ARMC9: variants seen among roughly 807,000 people sequenced by gnomAD.
ARMC9 encodes lisH domain-containing protein ARMC9.
A neutral mutation model predicts 107.0 loss-of-function variants in ARMC9; 94 were observed. That is an observed-to-expected ratio of 0.88 (90% CI 0.74 to 1.04). The LOEUF is 1.04. ARMC9 is among the 50% of genes least tolerant of loss of function. The probability of loss-of-function intolerance (pLI) is 0.00; values close to 1 mark genes in which losing one functional copy is unlikely to be tolerated. For missense variants in ARMC9, 942 were observed against 1,030.1 expected, an observed-to-expected ratio of 0.91 and a Z score of 1.17; for synonymous variants, 380 against 396.9, an observed-to-expected ratio of 0.96 and a Z score of 0.51.
intron 9 of ARMC9, among the ~76,000 whole-genome samples, chr2:231,245,120 C>T (rs147571190): frequency 3.3e-5 from 5 of 152,334 alleles, no homozygotes; most frequent in Admixed American, 2.6e-4. Context: ...TTCTTTGAGG[C>T]GAGAGCTGTC....
At chr2:231,205,980 T>A (rs1251318611) in intron 1 of ARMC9, among the ~76,000 whole-genome samples, 1 of 152,186 alleles carries the variant, frequency 6.6e-6, no homozygotes, top group South Asian at 2.1e-4. Flanking sequence ...ACCTGGGTAA[T>A]CCAGGATCAT....
Position 231,231,969 on chromosome 2 carries a change from G to A in ARMC9, c.623-3255G>A, listed in dbSNP as rs149773892. On this transcript the variant is annotated intron_variant, in intron 7 of 24. Transcript: ENST00000611582. Reference sequence around the variant, plus strand: ...CTCCCAAAATGCTGGGATTACAGGCGTGAGCCACTGTTCCCGGCTGAAAAA... The same window carrying A: ...CTCCCAAAATGCTGGGATTACAGGCATGAGCCACTGTTCCCGGCTGAAAAA... 2.0e-3 allele frequency among the ~76,000 whole-genome samples: 297 copies of A among 151,918 alleles called. 2 individuals carry two copies. Among genetic ancestry groups the A allele is most frequent in the African/African-American group, 6.5e-3 (268 of 41,416 alleles).
rs1318030054 is a variant in ARMC9 at position 231,339,773 on chromosome 2, A to G, written c.1879-5202A>G. On this transcript the variant is annotated intron_variant, in intron 20 of 24. Coordinates refer to ENST00000611582, the MANE Select transcript of ARMC9 (RefSeq NM_001352754.2). Reference sequence around the variant, plus strand: ...ACGGTGAAACCGTATCTCTACTTAAAATACAAAAATTATTCAGGCGTGGTA... The same window carrying G: ...ACGGTGAAACCGTATCTCTACTTAAGATACAAAAATTATTCAGGCGTGGTA... Among the ~76,000 whole-genome samples the G allele has an allele frequency of 3.9e-5, 6 of 152,360 alleles. No homozygotes were observed. In the East Asian group the frequency reaches 1.2e-3, roughly 29 times the overall value.
At chr2:231,267,647 G>A (rs1416092219) in intron 12 of ARMC9, among the ~76,000 whole-genome samples, 2 of 152,206 alleles carry the variant, frequency 1.3e-5, no homozygotes, top group Admixed American at 6.5e-5. Flanking sequence ...TTCTGTGGGA[G>A]TAAAAAACTG....
chr2:231,233,231 C>G (rs1440428531), intron 7 of ARMC9, among the ~76,000 whole-genome samples: 2 of 152,144 alleles, frequency 1.3e-5, no homozygotes, highest in African/African-American at 2.4e-5. Flanking sequence ...TTTTGAAATA[C>G]AATTTGAATG....
chr2:231,351,831 C>G (rs892781731), intron 21 of ARMC9, among the ~76,000 whole-genome samples: 2 of 151,314 alleles, frequency 1.3e-5, no homozygotes, highest in African/African-American at 4.9e-5. Flanking sequence ...GTAACTAAAA[C>G]AAAAAAAAAT....
chr2:231,312,958 C>A (rs1047075481), intron 19 of ARMC9, among the ~76,000 whole-genome samples: 1 of 152,140 alleles, frequency 6.6e-6, no homozygotes, highest in Non-Finnish European at 1.5e-5. Context: ...ACTGACTTGG[C>A]TAGAATTCAT....
Position 231,214,907 on chromosome 2 carries a change from C to T in ARMC9, c.254C>T (p.Ser85Phe), listed in dbSNP as rs140272259. 1.4e-5 allele frequency: 22 copies of T among 1,613,984 alleles called. No homozygotes were observed. The African/African-American group carries it at 2.5e-4, about 19-fold the overall frequency. ...CTGTGGGAGGAGCACATTTCAAGTT[C>T]CATCCGAGATGGGGACTCCTTTGCC... ...FDLWEEHISS[S>F]IRDGDSFAQK... is the part of the protein sequence containing the mutation. Residue 85 changes from serine (S) to phenylalanine (F), a missense_variant, in exon 4 of 25, where the codon TCC becomes TTC. Physicochemically the swap from Ser to Phe is radical, Grantham distance 155. Coordinates refer to ENST00000611582, the MANE Select transcript of ARMC9 (RefSeq NM_001352754.2).
intron 8 of ARMC9, among the ~76,000 whole-genome samples, chr2:231,237,682 A>G (rs1293238837): frequency 6.9e-6 from 1 of 145,202 alleles, no homozygotes; most frequent in Admixed American, 7.1e-5. Flanking sequence ...GGCATTCTGC[A>G]TATTTTAATT....
intron 19 of ARMC9, among the ~76,000 whole-genome samples, chr2:231,314,354 A>G (rs1412178561): frequency 6.6e-6 from 1 of 152,156 alleles, no homozygotes; most frequent in African/African-American, 2.4e-5. Context: ...CTGGGATTAC[A>G]GGTGTGAGCC....
chr2:231,207,765 C>T (rs1304598449), intron 2 of ARMC9, among the ~76,000 whole-genome samples: 1 of 152,250 alleles, frequency 6.6e-6, no homozygotes, highest in Admixed American at 6.5e-5. Context: ...TGAGTCACGG[C>T]TCCTGGCCGG....
chr2:231,313,001 T>C (rs1438277355), intron 19 of ARMC9, among the ~76,000 whole-genome samples: 3 of 152,224 alleles, frequency 2.0e-5, no homozygotes, highest in East Asian at 1.9e-4. Context: ...GCACCTGTTA[T>C]ATGCCCAGGT....
intron 10 of ARMC9, 91 bp downstream of exon 10, chr2:231,256,711 T>A: frequency 7.2e-7 from 1 of 1,389,128 alleles, no homozygotes; most frequent in East Asian, 2.3e-5. Flanking sequence ...CTTAGCAGCC[T>A]AGGTTAGAGG....
intron 21 of ARMC9, 40 bp downstream of exon 21, chr2:231,345,130 AG>A: frequency 1.2e-6 from 2 of 1,604,116 alleles, no homozygotes; most frequent in Non-Finnish European, 1.7e-6. Context: ...GACTTTCTTA[AG>A]CTTTGTTTTG....
At chr2:231,351,516 CAGAG>C (rs2045081300) in intron 21 of ARMC9, among the ~76,000 whole-genome samples, 1 of 151,976 alleles carries the variant, frequency 6.6e-6, no homozygotes, top group South Asian at 2.1e-4. Flanking sequence ...TTCCAGCAGC[CAGAG>C]AGAATTATGA....
intron 19 of ARMC9, among the ~76,000 whole-genome samples, chr2:231,299,636 A>G (rs2041601604): frequency 6.6e-6 from 1 of 152,212 alleles, no homozygotes; most frequent in Admixed American, 6.5e-5. Flanking sequence ...CAGAAGAGCA[A>G]TAGTGGCTGA....
intron 23 of ARMC9, among the ~76,000 whole-genome samples, 169 bp from the exon 24 acceptor site, chr2:231,369,784 G>C (rs1341776200): frequency 6.6e-6 from 1 of 152,010 alleles, no homozygotes; most frequent in East Asian, 1.9e-4. Flanking sequence ...AGTAGTGACG[G>C]GGCTTCACCA....
rs535633035 is a variant in ARMC9, at chr2:231,287,593, G to A, written c.1627-3760G>A. On this transcript the variant is annotated intron_variant, in intron 17 of 24. Transcript: ENST00000611582. Reference sequence around the variant, plus strand: ...TCGACGGGGTCTCACTATGTCACCAGGCTGGTCTCGAACTCCTAGGCTCAA... The same window carrying A: ...TCGACGGGGTCTCACTATGTCACCAAGCTGGTCTCGAACTCCTAGGCTCAA... Among the ~76,000 whole-genome samples the A allele has an allele frequency of 5.9e-5, 9 of 152,164 alleles. 1 individual carries two copies. The East Asian group carries it at 1.7e-3, about 29-fold the overall frequency.
At chr2:231,240,156 GC>G (rs1204351729) in intron 9 of ARMC9, 115 bp downstream of exon 9, 3 of 904,738 alleles carry the variant, frequency 3.3e-6, no homozygotes, top group Non-Finnish European at 5.1e-6. Flanking sequence ...ATTTAAGCTG[GC>G]TTTTGAAGTC....
Sources: gnomAD v4.1 joint callset for allele counts (sites outside exome capture counted in the v4.1 genomes callset) on GRCh38, gnomAD v4.1.1 for gene constraint, MANE v1.5 for transcripts, NCBI Gene and HGNC (gene_info 2026-07-23, HGNC 2026-07-21) for gene names.